Variants in USP37 observed in about 807,000 individuals in gnomAD.
USP37 encodes ubiquitin carboxyl-terminal hydrolase 37.
USP37 carries 27 observed loss-of-function variants against 124.0 expected under a neutral mutation model. The ratio of observed to expected loss-of-function variants is 0.22; its 90% CI spans 0.16 to 0.30. USP37 has a LOEUF of 0.30. USP37 is among the 10% of genes least tolerant of loss of function. USP37 has a pLI of 1.00. For missense variants in USP37, 889 were observed against 1,140.4 expected, an observed-to-expected ratio of 0.78 and a Z score of 3.17; for synonymous variants, 365 against 388.0, an observed-to-expected ratio of 0.94 and a Z score of 0.70.
chr2:218,485,787 T>A (rs1691528442), intron 15 of USP37, 44 bp from the exon 16 acceptor site: 1 of 1,570,548 alleles, frequency 6.4e-7, no homozygotes, highest in Non-Finnish European at 8.6e-7. Context: ...GAATCAGCAT[T>A]AGTATCTTAA....
intron 4 of USP37, among the ~76,000 whole-genome samples, chr2:218,557,826 G>C (rs1009072656): frequency 2.1e-5 from 3 of 143,728 alleles, no homozygotes; most frequent in Non-Finnish European, 3.0e-5. Context: ...AGCTACTCAG[G>C]AGGCTGAGGC....
chr2:218,504,278 T>A (rs1486040891), intron 11 of USP37, among the ~76,000 whole-genome samples: 1 of 152,220 alleles, frequency 6.6e-6, no homozygotes, highest in Non-Finnish European at 1.5e-5. Flanking sequence ...TCTCCCTCCC[T>A]TTATTATAAT....
intron 6 of USP37, among the ~76,000 whole-genome samples, chr2:218,548,868 T>A (rs1692516844): frequency 6.6e-6 from 1 of 152,216 alleles, no homozygotes; most frequent in African/African-American, 2.4e-5. Flanking sequence ...TTCTGCTATA[T>A]GTGTTAACAC....
chr2:218,566,890 C>G (rs534481496), intron 1 of USP37, among the ~76,000 whole-genome samples: 1 of 152,152 alleles, frequency 6.6e-6, no homozygotes, highest in Admixed American at 6.5e-5. Context: ...TCATGTGCCA[C>G]TTAATAAACT....
At chr2:218,496,584 T>C (rs1689091642) in intron 13 of USP37, among the ~76,000 whole-genome samples, 1 of 152,258 alleles carries the variant, frequency 6.6e-6, no homozygotes, top group South Asian at 2.1e-4. Flanking sequence ...GTCCTTGCAC[T>C]GGTAAATCAA....
In USP37 at chr2:218,553,486, T is replaced by A. The variant is rs1692778507; in HGVS notation, c.328+67A>T. ...TGTGCTGATGAATTCAGTTGAATAT[T>A]GGTCTGTAGTCTAGTCATAGCCTTG... On this transcript the variant is annotated intron_variant, in intron 5 of 25. Transcript: ENST00000258399. 3 of 1,392,050 alleles carry A rather than the reference T, an allele frequency of 2.2e-6. No individual in the cohort carries two copies. In the African/African-American group the frequency reaches 4.3e-5, roughly 20 times the overall value. The allele number at this position is 1,392,050 out of a possible 1,614,324, so 86.2% of individuals were successfully genotyped here. A position where few individuals can be genotyped will look rare whatever the true frequency, so the allele number is the denominator to read the frequency against.
intron 11 of USP37, among the ~76,000 whole-genome samples, chr2:218,505,402 A>G (rs1003839400): frequency 6.6e-6 from 1 of 152,324 alleles, no homozygotes; most frequent in Middle Eastern, 3.4e-3. Context: ...TGAAATGTTC[A>G]TCATTTACGT....
chr2:218,529,433 G>A (rs1427099754), intron 10 of USP37, among the ~76,000 whole-genome samples: 2 of 146,076 alleles, frequency 1.4e-5, no homozygotes, highest in East Asian at 4.0e-4. Context: ...TAGCACCACT[G>A]TACTCTATCC....
At chr2:218,533,560 G>GT (rs1379322287) in intron 9 of USP37, among the ~76,000 whole-genome samples, 1 of 152,056 alleles carries the variant, frequency 6.6e-6, no homozygotes, top group East Asian at 1.9e-4. Context: ...TATGTTTTCT[G>GT]TTTTTTAACT....
chr2:218,482,079 T>C lies in USP37; in HGVS notation c.1826A>G (p.His609Arg), dbSNP rs565257215. Residue 609 changes from histidine (H) to arginine (R), a missense_variant, in exon 17 of 26, where the codon CAT becomes CGT. His to Arg is a conservative substitution (Grantham distance 29). Around this residue, in one of 3 missense-constraint regions of USP37, gnomAD observed 504 missense variants for 714.3 expected, o/e 0.71. Coordinates refer to ENST00000258399, the MANE Select transcript of USP37 (RefSeq NM_020935.3). Reference protein sequence around the residue: ...KPPFTLGWSAHMAISRPLKAS... With the variant: ...KPPFTLGWSARMAISRPLKAS... ...TCTCTCAAGGACTTACATTGCCATA[T>C]GTGCACTCCAACCAAGGGTAAAAGG... The C allele has an allele frequency of 6.2e-7, 1 of 1,611,302 alleles. No individual in the cohort carries two copies. Among genetic ancestry groups the C allele is most frequent in the African/African-American group, 1.3e-5 (1 of 74,996 alleles).
chr2:218,463,158 G>C, intron 22 of USP37, 148 bp downstream of exon 22: 1 of 823,764 alleles, frequency 1.2e-6, no homozygotes, highest in East Asian at 2.8e-5. Context: ...CAGAGTGAGA[G>C]GCTCTCCCCC....
chr2:218,459,774 G>A lies in USP37; in HGVS notation c.2643+16C>T, dbSNP rs750192676. 3 of 1,603,484 alleles carry A rather than the reference G, an allele frequency of 1.9e-6. No homozygotes were observed. Among genetic ancestry groups the A allele is most frequent in the Non-Finnish European group, 2.6e-6 (3 of 1,171,760 alleles). On this transcript the variant is annotated intron_variant, in intron 23 of 25. Transcript: ENST00000258399. ...ACTGAATTTGACCAACTGTACTCAGGAATGAAAACAATTACCTCAGCATTT... is the reference window on the plus strand; with the variant it reads ...ACTGAATTTGACCAACTGTACTCAGAAATGAAAACAATTACCTCAGCATTT...
Position 218,450,932 on chromosome 2 carries a change from A to G in USP37, c.*3998T>C, listed in dbSNP as rs1473977673. 1 of 152,250 alleles carries G rather than the reference A, an allele frequency of 6.6e-6. No individual in the cohort carries two copies. The highest frequency in any genetic ancestry group is 2.4e-5 in the African/African-American group (1 of 41,456). 9.4% of individuals were successfully genotyped at this position (152,250 alleles called of 1,614,324 possible). A position where few individuals can be genotyped will look rare whatever the true frequency, so the allele number is the denominator to read the frequency against. On this transcript the variant is annotated 3_prime_UTR_variant, in exon 26 of 26. Coordinates refer to ENST00000258399, the MANE Select transcript of USP37 (RefSeq NM_020935.3). The stretch of plus-strand genomic sequence containing the variant: ...GACAACTTACTAATTGTGTGTAAGT[A>G]TGATACAATGAATGAGACTGCCTGA...
chr2:218,558,882 G>A (rs642520), intron 3 of USP37, among the ~76,000 whole-genome samples: 100,682 of 151,852 alleles, frequency 0.66, 33,805 homozygotes, highest in East Asian at 0.9. Flanking sequence ...TACTGCTACC[G>A]CTAAAGACAT....
chr2:218,486,063 T>C, intron 15 of USP37: 1 of 235,876 alleles, frequency 4.2e-6, no homozygotes, highest in Non-Finnish European at 8.0e-6. Flanking sequence ...TATGAACCAC[T>C]ACCAAGAGTA....
chr2:218,495,613 G>A, intron 14 of USP37, 147 bp downstream of exon 14: 3 of 776,074 alleles, frequency 3.9e-6, no homozygotes, highest in Non-Finnish European at 5.8e-6. Context: ...CTGGGGTTGT[G>A]CCACTGCACC....
At position 218,453,362 on chromosome 2, in the gene USP37, AAGTG is replaced by A; in HGVS notation, c.*1564_*1567del. 6.6e-6 allele frequency: 1 copy of A among 152,182 alleles called. No individual in the cohort carries two copies. Among genetic ancestry groups the A allele is most frequent in the South Asian group, 2.1e-4 (1 of 4,812 alleles). The allele number at this position is 152,182 out of a possible 1,614,324, so 9.4% of individuals were successfully genotyped here. On this transcript the variant is annotated 3_prime_UTR_variant, in exon 26 of 26. Coordinates refer to ENST00000258399, the MANE Select transcript of USP37 (RefSeq NM_020935.3). The stretch of plus-strand genomic sequence containing the variant: ...ACTGCAACCTCTGCCTCCTGGGTTC[AAGTG>A]ATTCTCTCATGTGATGGTGGGTTTT...
intron 18 of USP37, among the ~76,000 whole-genome samples, chr2:218,477,949 G>A (rs1051330769): frequency 1.3e-5 from 2 of 151,930 alleles, no homozygotes; most frequent in African/African-American, 2.4e-5. Flanking sequence ...TAGGTAAGCC[G>A]AAAATAAACT....
At chr2:218,458,508 G>A (rs1307999634) in intron 23 of USP37, among the ~76,000 whole-genome samples, 1 of 148,278 alleles carries the variant, frequency 6.7e-6, no homozygotes, top group African/African-American at 2.5e-5. Flanking sequence ...GGAAGTGGAG[G>A]AAGTTGCAGT....
Sources: allele counts gnomAD v4.1 joint callset (sites outside exome capture counted in the v4.1 genomes callset), GRCh38; gene constraint gnomAD v4.1.1; regional missense constraint gnomAD v4.1.1; transcripts MANE v1.5; gene names NCBI Gene and HGNC (gene_info 2026-07-23, HGNC 2026-07-21).